Variants in CEACAM18 observed in about 807,000 individuals in gnomAD.
CEACAM18 encodes the protein CEA cell adhesion molecule 18.
A neutral mutation model predicts 34.3 loss-of-function variants in CEACAM18; 33 were observed. The observed-to-expected ratio is 0.96, with a 90% confidence interval of 0.73 to 1.29. The LOEUF (loss-of-function observed/expected upper bound fraction) is 1.29, where lower values mean the gene tolerates loss of function less well. Ranked by LOEUF, CEACAM18 falls within the 50% of genes most tolerant of loss-of-function variation. The pLI is 0.00. For synonymous variants in CEACAM18, 169 were observed against 180.9 expected (o/e 0.93, Z 0.53); for missense variants, 474 against 485.0 (o/e 0.98, Z 0.21).
At chr19:51,481,304 C>A in intron 2 of CEACAM18, 89 bp from the exon 3 acceptor site, 1 of 1,421,252 alleles carries the variant, frequency 7.0e-7, no homozygotes. Flanking sequence ...TGGCTTCTCT[C>A]CAACATGCCC....
chr19:51,488,556 C>T (rs1423006684), intron 5 of CEACAM18, among the ~76,000 whole-genome samples: 1 of 152,164 alleles, frequency 6.6e-6, no homozygotes. Flanking sequence ...GGGAGGTCAG[C>T]GAGGTCTTGG....
intron 3 of CEACAM18, 47 bp downstream of exon 3, chr19:51,481,712 G>T: frequency 6.4e-7 from 1 of 1,566,180 alleles, no homozygotes; most frequent in Non-Finnish European, 8.7e-7. Flanking sequence ...TGGTCTCAGG[G>T]CTTTCTAGGG....
intron 4 of CEACAM18, 63 bp downstream of exon 4, chr19:51,483,359 C>A: frequency 5.0e-6 from 8 of 1,591,626 alleles, no homozygotes; most frequent in Non-Finnish European, 6.9e-6. Context: ...CCCTGCTAGG[C>A]AGTGCCCACC....
intron 5 of CEACAM18, among the ~76,000 whole-genome samples, chr19:51,487,893 A>G (rs1990031682): frequency 6.6e-6 from 1 of 152,240 alleles, no homozygotes; most frequent in South Asian, 2.1e-4. Flanking sequence ...AAATTAAATA[A>G]GTAAAAAATC....
chr19:51,481,657 C>T, exon 3 of CEACAM18: 1 of 1,610,870 alleles, frequency 6.2e-7, no homozygotes, highest in East Asian at 2.2e-5. Flanking sequence ...ATCTCTCTGA[C>T]TGTGGCCTGT....
intron 5 of CEACAM18, among the ~76,000 whole-genome samples, chr19:51,490,018 A>G (rs1479709538): frequency 6.6e-6 from 1 of 151,986 alleles, no homozygotes; most frequent in Non-Finnish European, 1.5e-5. Context: ...CATGTTCTCT[A>G]TGGTCTGGGG....
chr19:51,489,785 G>A (rs1381419419), intron 5 of CEACAM18, among the ~76,000 whole-genome samples: 1 of 152,198 alleles, frequency 6.6e-6, no homozygotes, highest in African/African-American at 2.4e-5. Flanking sequence ...TACCTTGGAA[G>A]AAGGGTTGGT....
intron 4 of CEACAM18, 62 bp from the exon 5 acceptor site, chr19:51,484,925 G>A: frequency 9.8e-6 from 15 of 1,528,156 alleles, no homozygotes; most frequent in Non-Finnish European, 1.3e-5. Flanking sequence ...TGGGTGAAGA[G>A]ATGAGTGAAT....
At chr19:51,490,330 C>T (rs1990070071) in intron 5 of CEACAM18, among the ~76,000 whole-genome samples, 1 of 152,146 alleles carries the variant, frequency 6.6e-6, no homozygotes, top group Non-Finnish European at 1.5e-5. Flanking sequence ...CCTTCCTCAG[C>T]TTCACCCGGC....
At chr19:51,481,706 C>T (rs549971179) in intron 3 of CEACAM18, 41 bp downstream of exon 3, 1 of 1,580,174 alleles carries the variant, frequency 6.3e-7, no homozygotes, top group Admixed American at 1.7e-5. Context: ...CAGGGCTGGT[C>T]TCAGGGCTTT....
chr19:51,484,986 G>A lies in CEACAM18; in HGVS notation c.954-1G>A, dbSNP rs1310198610. ...GACCCCCAGGTGTCCTCTTCCTTCAGGGATCTTACCTGTTGTCCACAGAGA... is the reference window on the plus strand; with the variant it reads ...GACCCCCAGGTGTCCTCTTCCTTCAAGGATCTTACCTGTTGTCCACAGAGA... On this transcript the variant is annotated splice_acceptor_variant, in intron 4 of 5. Transcript: ENST00000396477. LOFTEE classifies it high-confidence loss of function. The A allele has an allele frequency of 2.6e-6, 4 of 1,535,960 alleles. No individual in the cohort carries two copies. Among genetic ancestry groups the A allele is most frequent in the Non-Finnish European group, 3.5e-6 (4 of 1,146,910 alleles).
chr19:51,488,718 C>A (rs928204324), intron 5 of CEACAM18, among the ~76,000 whole-genome samples: 1 of 152,142 alleles, frequency 6.6e-6, no homozygotes, highest in African/African-American at 2.4e-5. Context: ...TTCACAAGGG[C>A]TGCAGAAGGT....
At chr19:51,484,759 T>C (rs1320562976) in intron 4 of CEACAM18, among the ~76,000 whole-genome samples, 2 of 104,802 alleles carry the variant, frequency 1.9e-5, no homozygotes, top group African/African-American at 3.1e-5. Context: ...GTGTGAGACA[T>C]CTCTTTGCTT....
intron 5 of CEACAM18, among the ~76,000 whole-genome samples, chr19:51,489,376 C>G (rs1340802655): frequency 1.3e-5 from 2 of 151,740 alleles, no homozygotes; most frequent in Non-Finnish European, 2.9e-5. Flanking sequence ...CTTTCAGCTC[C>G]CCTTCTCCCT....
chr19:51,482,533 C>A (rs1163338261), intron 3 of CEACAM18, among the ~76,000 whole-genome samples: 6 of 152,134 alleles, frequency 3.9e-5, no homozygotes, highest in Admixed American at 3.3e-4. Flanking sequence ...GAACCAAGAC[C>A]CAGGATCCAG....
At chr19:51,479,199 T>C (rs1989865292) in intron 1 of CEACAM18, among the ~76,000 whole-genome samples, 1 of 152,090 alleles carries the variant, frequency 6.6e-6, no homozygotes, top group Admixed American at 6.5e-5. Flanking sequence ...ACGTGTACTG[T>C]CCTTGAACAG....
At chr19:51,490,725 G>T in exon 6 of CEACAM18, 2 of 836,176 alleles carry the variant, frequency 2.4e-6, no homozygotes, top group Non-Finnish European at 3.2e-6. Flanking sequence ...GGGTCTCTTT[G>T]GAGGGTACTG....
At chr19:51,483,034 C>T in exon 4 of CEACAM18, 1 of 1,613,976 alleles carries the variant, frequency 6.2e-7, no homozygotes, top group Non-Finnish European at 8.5e-7. Flanking sequence ...CGACTATGTG[C>T]TGCTGAGGAG....
At chr19:51,480,768 C>G (rs969729732) in intron 2 of CEACAM18, 88 bp downstream of exon 2, 10 of 1,232,062 alleles carry the variant, frequency 8.1e-6, no homozygotes, top group Non-Finnish European at 1.1e-6. Flanking sequence ...GAGCATGACA[C>G]CGGGAGTGGA....
Sources: allele counts gnomAD v4.1 joint callset (sites outside exome capture counted in the v4.1 genomes callset), GRCh38; gene constraint gnomAD v4.1.1; transcripts MANE v1.5; gene names NCBI Gene and HGNC (gene_info 2026-07-23, HGNC 2026-07-21).